COL12A1: variants seen among roughly 807,000 people sequenced by gnomAD.
COL12A1 encodes the protein collagen type XII alpha 1 chain, also known as collagen alpha-1(XII) chain.
Under a neutral mutation model 349.7 loss-of-function variants are expected in COL12A1, and 114 were observed. That is an observed-to-expected ratio of 0.33 (90% CI 0.28 to 0.38). COL12A1 has a LOEUF of 0.38. Ranked by LOEUF, COL12A1 falls within the 10% of genes least tolerant of loss-of-function variation. The pLI is 1.00. For synonymous variants in COL12A1, 1,369 were observed against 1,329.0 expected, an observed-to-expected ratio of 1.03 and a Z score of -0.66; for missense variants, 3,284 against 3,756.9, an observed-to-expected ratio of 0.87 and a Z score of 3.29.
At chr6:75,151,327 G>GA (rs759911422) in intron 20 of COL12A1, 40 bp from the exon 21 acceptor site, 35 of 1,578,144 alleles carry the variant, frequency 2.2e-5, no homozygotes, top group South Asian at 3.4e-5. Flanking sequence ...GCACTTCTCA[G>GA]AAAAAAATTA....
At chr6:75,100,593 CTT>C (rs2149341828) in intron 58 of COL12A1, among the ~76,000 whole-genome samples, 2 of 152,304 alleles carry the variant, frequency 1.3e-5, no homozygotes, top group South Asian at 4.1e-4. Context: ...TGACCTCTCT[CTT>C]TTCTCTCCCC....
At chr6:75,197,772 C>T (rs1370607420) in intron 2 of COL12A1, among the ~76,000 whole-genome samples, 2 of 152,112 alleles carry the variant, frequency 1.3e-5, no homozygotes, top group African/African-American at 4.8e-5. Context: ...AGTAAAGAGA[C>T]TAAAATTTTA....
chr6:75,117,593 C>T (rs1409312473), intron 46 of COL12A1, 47 bp from the exon 47 acceptor site: 13 of 1,586,252 alleles, frequency 8.2e-6, no homozygotes, highest in African/African-American at 8.1e-5. Context: ...CTTTTTCTGT[C>T]CTTGTTGTTA....
Position 75,155,614 on chromosome 6 carries a change from G to T in COL12A1, c.3443+48C>A, listed in dbSNP as rs171287. The T allele has an allele frequency of 0.013, 20,293 of 1,549,740 alleles. 971 individuals are homozygous for T. In the East Asian group the frequency reaches 0.14, roughly 11 times the overall value. ...TAATTTACAAAAGCTATTCAACCTT[G>T]TAAACAAATTAATTTCATCCTTTGA... On this transcript the variant is annotated intron_variant, in intron 16 of 65. Transcript: ENST00000322507.
intron 51 of COL12A1, among the ~76,000 whole-genome samples, chr6:75,110,156 G>A (rs1190293880): frequency 1.3e-5 from 2 of 151,874 alleles, no homozygotes; most frequent in African/African-American, 4.8e-5. Context: ...ATGCCCCCAG[G>A]ACAATCAACT....
chr6:75,141,692 A>G (rs1294794314), intron 27 of COL12A1, among the ~76,000 whole-genome samples: 1 of 152,220 alleles, frequency 6.6e-6, no homozygotes, highest in East Asian at 1.9e-4. Context: ...ATTATAAATA[A>G]TGCATCTTTT....
At chr6:75,116,353 TA>T (rs1769079180) in intron 47 of COL12A1, among the ~76,000 whole-genome samples, 1 of 152,130 alleles carries the variant, frequency 6.6e-6, no homozygotes, top group Non-Finnish European at 1.5e-5. Context: ...CATTTTTCAA[TA>T]GATTTAAAGA....
At chr6:75,176,356 A>T (rs1194862534) in intron 12 of COL12A1, among the ~76,000 whole-genome samples, 2 of 148,480 alleles carry the variant, frequency 1.3e-5, no homozygotes, top group Non-Finnish European at 3.0e-5. Context: ...GAGGAGGGAG[A>T]GGGATGCTGT....
chr6:75,148,400 A>G lies in COL12A1; in HGVS notation c.4245T>C (p.Tyr1415=), dbSNP rs34830422. 6.9e-4 allele frequency: 1,114 copies of G among 1,613,324 alleles called. 7 individuals carry two copies. The African/African-American group carries it at 0.013, about 19-fold the overall frequency. The change falls in exon 22 of 66, where the codon TAT becomes TAC. Residue 1415 remains tyrosine, a synonymous_variant. Transcript: ENST00000322507. ...WTPPSDSVDR[Y]KVEYYPVSGG... ...CAGAAACTGGATAGTATTCCACCTT[A>G]TATCGATCCACACTGTCAGAAGGTG...
In COL12A1 at chr6:75,184,109, C is replaced by T. The variant is rs1225368956; in HGVS notation, c.1033G>A (p.Val345Ile). 3 of 1,613,934 alleles carry T rather than the reference C, an allele frequency of 1.9e-6. No individual in the cohort carries two copies. Among genetic ancestry groups the T allele is most frequent in the South Asian group, 2.2e-5 (2 of 91,072 alleles). ...EPPSNLIAMEVSSKYVKLNWN... is the reference protein window; with the variant it reads ...EPPSNLIAMEISSKYVKLNWN... ...TTTAGCTTAACATATTTTGAAGAGACTTCCATGGCAATCAAATTTGAAGGA... is the reference window on the plus strand; with the variant it reads ...TTTAGCTTAACATATTTTGAAGAGATTTCCATGGCAATCAAATTTGAAGGA... Residue 345 changes from valine to isoleucine, a missense_variant, in exon 9 of 66, where the codon GTC (valine) becomes ATC (isoleucine). Coordinates refer to ENST00000322507, the MANE Select transcript of COL12A1 (RefSeq NM_004370.6).
At position 75,124,338 on chromosome 6, in the gene COL12A1, T is replaced by C. The variant is rs41269303; in HGVS notation, c.6641A>G (p.Gln2214Arg). ...YLNVTDLKTY[Q>R]IGWDTFCVKW... ...GACACAGAATGTATCCCACCCAATC[T>C]GGTAAGTTTTCAGATCTGTTACATT... Residue 2214 changes from glutamine (Q) to arginine (R), a missense_variant, in exon 41 of 66, where the codon CAG (glutamine) becomes CGG (arginine). By Grantham distance (43) the Gln-to-Arg change is conservative. Around this residue, in one of 2 missense-constraint regions of COL12A1, gnomAD observed 2,601 missense variants for 2,824.8 expected, o/e 0.92. Transcript: ENST00000322507. The C allele has an allele frequency of 1.5e-4, 241 of 1,613,036 alleles. No homozygotes were observed. In the African/African-American group the frequency reaches 2.8e-3, roughly 19 times the overall value.
At position 75,151,177 on chromosome 6, in the gene COL12A1, G is replaced by A. The variant is rs1767462827; in HGVS notation, c.4111C>T (p.Leu1371Phe). 1 of 1,612,008 alleles carries A rather than the reference G, an allele frequency of 6.2e-7. No individual in the cohort carries two copies. Among genetic ancestry groups the A allele is most frequent in the Non-Finnish European group, 8.5e-7 (1 of 1,178,868 alleles). Residue 1371 changes from leucine to phenylalanine, a missense_variant, in exon 21 of 66, where the codon CTC becomes TTC. By Grantham distance (22) the Leu-to-Phe change is conservative. Transcript: ENST00000322507. ...ACACTGTTACACAAATTAATGGTGA[G>A]ATCATCCACTATCCTGGAGAGTGAC... Reference protein sequence around the residue: ...FESLSRIVDDLTINLCNSVKG... With the variant: ...FESLSRIVDDFTINLCNSVKG...
rs529802267 is a variant in COL12A1, at chr6:75,161,338, ATAAT to A, written c.2983+4165_2983+4168del. On this transcript the variant is annotated intron_variant, in intron 14 of 65. Transcript: ENST00000322507. Reference sequence around the variant, plus strand: ...ATAATACAATGTAAATGTCATATAAATAATTATTATACTGTATTTTACTAGCATT... The same window carrying A: ...ATAATACAATGTAAATGTCATATAAATATTATACTGTATTTTACTAGCATT... 7.6e-3 allele frequency among the ~76,000 whole-genome samples: 1,164 copies of A among 152,314 alleles called. 13 individuals carry two copies. Among genetic ancestry groups the A allele is most frequent in the African/African-American group, 0.027 (1,102 of 41,574 alleles).
chr6:75,150,573 C>A (rs144507114), intron 21 of COL12A1, among the ~76,000 whole-genome samples: 1 of 152,190 alleles, frequency 6.6e-6, no homozygotes, highest in South Asian at 2.1e-4. Flanking sequence ...TGAGGCAAAG[C>A]AAATCAGATA....
rs755180015 is a variant in COL12A1 at position 75,130,101 on chromosome 6, A to G, written c.6200T>C (p.Ile2067Thr). The G allele has an allele frequency of 1.5e-5, 25 of 1,613,264 alleles. No homozygotes were observed. In the East Asian group the frequency reaches 1.6e-4, roughly 10 times the overall value. The stretch of plus-strand genomic sequence containing the variant: ...GAGTATCAGACTTACATATTCATCA[A>G]TTGGATCACCAACAGTGGGAGAATA... ...IIYSPTVGDP[I>T]DEYTTVPGRR... The change falls in exon 37 of 66, where the codon ATT (isoleucine) becomes ACT (threonine). Residue 2067 changes from isoleucine to threonine, a missense_variant. By Grantham distance (89) the Ile-to-Thr change is moderately conservative. Around this residue, in one of 2 missense-constraint regions of COL12A1, gnomAD observed 2,601 missense variants for 2,824.8 expected, o/e 0.92. Coordinates refer to ENST00000322507, the MANE Select transcript of COL12A1 (RefSeq NM_004370.6).
intron 10 of COL12A1, among the ~76,000 whole-genome samples, chr6:75,181,457 G>T (rs955840174): frequency 6.6e-6 from 1 of 152,086 alleles, no homozygotes; most frequent in African/African-American, 2.4e-5. Flanking sequence ...TTATTTAAAT[G>T]ACTGATTAAA....
chr6:75,090,314 AG>A lies in COL12A1; in HGVS notation c.8753-17del. On this transcript the variant is annotated splice_polypyrimidine_tract_variant and intron_variant, in intron 62 of 65. Transcript: ENST00000322507. This position sits in a 1 kb window ranked among gnomAD's most constrained non-coding sequence, Gnocchi z 4.1. Reference sequence around the variant, plus strand: ...TTCATCTGACCTACAAGCAGAAATAAGGCTTGTTAGTAAGAAACCCAATAAA... The same window carrying A: ...TTCATCTGACCTACAAGCAGAAATAAGCTTGTTAGTAAGAAACCCAATAAA... 6.3e-7 allele frequency: 1 copy of A among 1,588,162 alleles called. No individual in the cohort carries two copies. The highest frequency in any genetic ancestry group is 2.3e-5 in the East Asian group (1 of 44,162).
chr6:75,129,398 C>A (rs149768834), intron 37 of COL12A1, among the ~76,000 whole-genome samples: 253 of 152,260 alleles, frequency 1.7e-3, no homozygotes, highest in African/African-American at 5.4e-3. Context: ...CCTAATTTAC[C>A]ATCAACATCT....
chr6:75,124,939 T>C (rs766703611), intron 40 of COL12A1, among the ~76,000 whole-genome samples, 188 bp downstream of exon 40: 1 of 152,192 alleles, frequency 6.6e-6, no homozygotes, highest in Non-Finnish European at 1.5e-5. Flanking sequence ...TCACCATATA[T>C]ATTTTTATAT....
Sources: allele counts gnomAD v4.1 joint callset (sites outside exome capture counted in the v4.1 genomes callset), GRCh38; gene constraint gnomAD v4.1.1; regional missense constraint gnomAD v4.1.1; non-coding constraint Gnocchi (gnomAD v3.1); transcripts MANE v1.5; gene names NCBI Gene and HGNC (gene_info 2026-07-23, HGNC 2026-07-21).